ABRAXAS1: variants seen among roughly 807,000 people sequenced by gnomAD.
ABRAXAS1 encodes abraxas 1, BRCA1 A complex subunit.
ABRAXAS1 carries 26 observed loss-of-function variants against 38.4 expected under a neutral mutation model. That is an observed-to-expected ratio of 0.68 (90% confidence interval 0.50 to 0.94). The LOEUF is 0.94. ABRAXAS1 is among the 40% of genes least tolerant of loss of function. ABRAXAS1 has a pLI of 0.00. For missense variants in ABRAXAS1, 438 were observed against 481.9 expected, an observed-to-expected ratio of 0.91 and a Z score of 0.85; for synonymous variants, 144 against 165.5, an observed-to-expected ratio of 0.87 and a Z score of 1.00.
chr4:83,465,093 C>T (rs1028759102), intron 7 of ABRAXAS1, among the ~76,000 whole-genome samples: 4 of 151,618 alleles, frequency 2.6e-5, no homozygotes, highest in Admixed American at 6.6e-5. Context: ...GTCTTGGGTT[C>T]GAGACCAACC....
chr4:83,476,610 A>G (rs1183607686), intron 3 of ABRAXAS1, 33 bp downstream of exon 3: 1 of 1,427,690 alleles, frequency 7.0e-7, no homozygotes, highest in Non-Finnish European at 9.9e-7. Flanking sequence ...AATTTTCACA[A>G]TGGATCATTT....
rs1016451915 is a variant in ABRAXAS1 at position 83,472,239 on chromosome 4, A to G, written c.265T>C (p.Leu89=). 5 of 1,528,138 alleles carry G rather than the reference A, an allele frequency of 3.3e-6. No individual in the cohort carries two copies. In the African/African-American group the frequency reaches 5.6e-5, roughly 17 times the overall value. 94.7% of individuals were successfully genotyped at this position (1,528,138 alleles called of 1,614,324 possible). The change falls in exon 4 of 9, where the codon TTA becomes CTA. Residue 89 remains leucine, a synonymous_variant. Coordinates refer to ENST00000321945, the MANE Select transcript of ABRAXAS1 (RefSeq NM_139076.3). Reference sequence around the variant, plus strand: ...GAGAATACCTTTTTGACATTTGATAATATTTTCTTCAGTGCTTGCTCATTT... The same window carrying G: ...GAGAATACCTTTTTGACATTTGATAGTATTTTCTTCAGTGCTTGCTCATTT... ...EVNEQALKKI[L]SNVKKNVVGW...
At chr4:83,465,070 T>C (rs1578124415) in intron 7 of ABRAXAS1, among the ~76,000 whole-genome samples, 1 of 151,806 alleles carries the variant, frequency 6.6e-6, no homozygotes, top group Non-Finnish European at 1.5e-5. Context: ...CTGAGGCAGG[T>C]AGATAACCTG....
At chr4:83,484,728 T>G in intron 1 of ABRAXAS1, 16 of 342,940 alleles carry the variant, frequency 4.7e-5, no homozygotes, top group East Asian at 1.3e-4. Context: ...CGAGGAAAGA[T>G]GGGAGCGTGT....
intron 3 of ABRAXAS1, among the ~76,000 whole-genome samples, chr4:83,475,819 T>A (rs967423866): frequency 6.6e-6 from 1 of 152,204 alleles, no homozygotes; most frequent in Non-Finnish European, 1.5e-5. Context: ...AGCTAAAAAA[T>A]ACACAATGTA....
intron 4 of ABRAXAS1, among the ~76,000 whole-genome samples, chr4:83,471,676 A>G (rs975415526): frequency 5.3e-5 from 8 of 152,188 alleles, no homozygotes; most frequent in Non-Finnish European, 8.8e-5. Flanking sequence ...AGTGCTATAT[A>G]GGAAACATCC....
intron 3 of ABRAXAS1, among the ~76,000 whole-genome samples, chr4:83,475,433 T>C (rs1022096207): frequency 6.6e-6 from 1 of 152,180 alleles, no homozygotes; most frequent in Non-Finnish European, 1.5e-5. Flanking sequence ...GTCTGTAAGA[T>C]AGTTATGCTG....
rs1363715843 is a variant in ABRAXAS1, at chr4:83,459,577, A to G, written c.*2892T>C. ...TGACACACTGGATAGAAAATATTTAAAAGGTAACAGGAGGATAACAATATT... is the reference window on the plus strand; with the variant it reads ...TGACACACTGGATAGAAAATATTTAGAAGGTAACAGGAGGATAACAATATT... On this transcript the variant is annotated 3_prime_UTR_variant, in exon 9 of 9. Transcript: ENST00000321945. 4 of 589,082 alleles carry G rather than the reference A, an allele frequency of 6.8e-6. No individual in the cohort carries two copies. The East Asian group carries it at 9.1e-5, about 13-fold the overall frequency. The allele number at this position is 589,082 out of a possible 1,614,324, so 36.5% of individuals were successfully genotyped here. A position where few individuals can be genotyped will look rare whatever the true frequency, so the allele number is the denominator to read the frequency against.
chr4:83,483,795 G>A (rs1723078637), intron 1 of ABRAXAS1, among the ~76,000 whole-genome samples: 1 of 152,080 alleles, frequency 6.6e-6, no homozygotes, highest in Admixed American at 6.6e-5. Context: ...CTGAGAAACA[G>A]GGGCCTCCCT....
In ABRAXAS1 at chr4:83,469,163, A is replaced by C; in HGVS notation, c.477-12T>G. The C allele has an allele frequency of 6.2e-7, 1 of 1,611,742 alleles. No homozygotes were observed. ...CCCTGTGAAAAAGTCTGACAAAATAAAACTTTAGAGTATAAACTTAGAATG... is the reference window on the plus strand; with the variant it reads ...CCCTGTGAAAAAGTCTGACAAAATACAACTTTAGAGTATAAACTTAGAATG... On this transcript the variant is annotated splice_polypyrimidine_tract_variant and intron_variant, in intron 5 of 8. Transcript: ENST00000321945.
In ABRAXAS1 at chr4:83,462,791, T is replaced by C. The variant is rs1296803874; in HGVS notation, c.908A>G (p.Asn303Ser). Residue 303 changes from asparagine (N) to serine (S), a missense_variant, in exon 9 of 9, where the codon AAT (asparagine) becomes AGT (serine). This residue lies in a region of ABRAXAS1 where 184 missense variants were observed against 181.9 expected (regional missense o/e 1.01). Coordinates refer to ENST00000321945, the MANE Select transcript of ABRAXAS1 (RefSeq NM_139076.3). ...ACAGCTACTTTTAGAAACATGTCTA[T>C]TTTTTAAAGACATAACACATGAATG... ...FLHSCVMSLK[N>S]RHVSKSSCNY... 6.2e-7 allele frequency: 1 copy of C among 1,613,952 alleles called. No homozygotes were observed. The highest frequency in any genetic ancestry group is 1.1e-5 in the South Asian group (1 of 91,036).
At position 83,460,806 on chromosome 4, in the gene ABRAXAS1, T is replaced by C. The variant is rs1722067049; in HGVS notation, c.*1663A>G. 1 of 597,820 alleles carries C rather than the reference T, an allele frequency of 1.7e-6. No individual in the cohort carries two copies. The highest frequency in any genetic ancestry group is 3.0e-5 in the East Asian group (1 of 33,496). 37.0% of individuals were successfully genotyped at this position (597,820 alleles called of 1,614,324 possible). ...CTGTAATTCCAGTTACTAAGGAGGC[T>C]GAGGCAAGATAATCGATTGAGCCTG... is the stretch of plus-strand genomic sequence containing the variant. On this transcript the variant is annotated 3_prime_UTR_variant, in exon 9 of 9. Transcript: ENST00000321945.
intron 5 of ABRAXAS1, chr4:83,469,651 G>C (rs1420439664): frequency 2.5e-5 from 4 of 158,656 alleles, no homozygotes; most frequent in Admixed American, 6.0e-5. Context: ...ACAGTTTAAT[G>C]GCTCTTTTGA....
chr4:83,472,170 CCAA>C, intron 4 of ABRAXAS1, 49 bp downstream of exon 4: 1 of 1,210,726 alleles, frequency 8.3e-7, no homozygotes, highest in Non-Finnish European at 1.2e-6. Flanking sequence ...TTTTTAAGAA[CCAA>C]AAACAATGCA....
At position 83,469,168 on chromosome 4, in the gene ABRAXAS1, T is replaced by G; in HGVS notation, c.477-17A>C. The G allele has an allele frequency of 6.2e-7, 1 of 1,609,810 alleles. No homozygotes were observed. Among genetic ancestry groups the G allele is most frequent in the Admixed American group, 1.7e-5 (1 of 59,846 alleles). ...TGAAAAAGTCTGACAAAATAAAACT[T>G]TAGAGTATAAACTTAGAATGAAAAG... On this transcript the variant is annotated splice_polypyrimidine_tract_variant and intron_variant, in intron 5 of 8. Coordinates refer to ENST00000321945, the MANE Select transcript of ABRAXAS1 (RefSeq NM_139076.3).
At chr4:83,466,582 C>T (rs1181334480) in intron 7 of ABRAXAS1, among the ~76,000 whole-genome samples, 4 of 150,328 alleles carry the variant, frequency 2.7e-5, no homozygotes, top group African/African-American at 9.7e-5. Flanking sequence ...GTTGCCCAGG[C>T]TGGAGTGCAG....
At chr4:83,475,406 G>A (rs900579636) in intron 3 of ABRAXAS1, among the ~76,000 whole-genome samples, 2 of 152,114 alleles carry the variant, frequency 1.3e-5, no homozygotes, top group African/African-American at 4.8e-5. Context: ...TAACTTTAAA[G>A]ATGTGTATAG....
chr4:83,477,345 A>T (rs998600182), intron 2 of ABRAXAS1, among the ~76,000 whole-genome samples: 8 of 152,264 alleles, frequency 5.3e-5, no homozygotes, highest in East Asian at 3.9e-4. Flanking sequence ...TTTAATTTTT[A>T]AAAAATAATC....
At position 83,460,821 on chromosome 4, in the gene ABRAXAS1, G is replaced by T. The variant is rs535542234; in HGVS notation, c.*1648C>A. ...CTAAGGAGGCTGAGGCAAGATAATCGATTGAGCCTGGGTGGCGGAGGTTGC... is the reference window on the plus strand; with the variant it reads ...CTAAGGAGGCTGAGGCAAGATAATCTATTGAGCCTGGGTGGCGGAGGTTGC... On this transcript the variant is annotated 3_prime_UTR_variant, in exon 9 of 9. Transcript: ENST00000321945. 5 of 627,684 alleles carry T rather than the reference G, an allele frequency of 8.0e-6. No homozygotes were observed. In the South Asian group the frequency reaches 9.3e-5, roughly 12 times the overall value. The allele number at this position is 627,684 out of a possible 1,614,324, so 38.9% of individuals were successfully genotyped here. A position where few individuals can be genotyped will look rare whatever the true frequency, so the allele number is the denominator to read the frequency against.
Sources: allele counts gnomAD v4.1 joint callset (sites outside exome capture counted in the v4.1 genomes callset), GRCh38; gene constraint gnomAD v4.1.1; regional missense constraint gnomAD v4.1.1; transcripts MANE v1.5; gene names NCBI Gene and HGNC (gene_info 2026-07-23, HGNC 2026-07-21).